Variants in ZSCAN10 observed in about 807,000 individuals in gnomAD.
ZSCAN10 encodes zinc finger and SCAN domain-containing protein 10.
In ZSCAN10, 52 loss-of-function variants were observed where a neutral mutation model predicts 63.7. The observed-to-expected ratio is 0.82, with a 90% CI of 0.65 to 1.03. The LOEUF (loss-of-function observed/expected upper bound fraction) is 1.03. ZSCAN10 is among the 50% of genes least tolerant of loss of function. The pLI is 0.00. For synonymous variants in ZSCAN10, 544 were observed against 479.6 expected (o/e 1.13, Z -1.76); for missense variants, 1,223 against 1,103.8 (o/e 1.11, Z -1.53).
intron 1 of ZSCAN10, 147 bp from the exon 2 acceptor site, chr16:3,093,151 C>G: frequency 2.0e-6 from 1 of 503,390 alleles, no homozygotes; most frequent in Non-Finnish European, 3.1e-6. Flanking sequence ...AGGACAGCCC[C>G]CGGTCTCAGG....
At chr16:3,091,428 G>C (rs1957072927) in intron 5 of ZSCAN10, 112 bp downstream of exon 5, 2 of 1,206,984 alleles carry the variant, frequency 1.7e-6, no homozygotes, top group Admixed American at 1.8e-5. Context: ...AGGATCACTT[G>C]AGCCCAGGAG....
rs1957043592 is a variant in ZSCAN10, at chr16:3,089,873, G to A, written c.1561C>T (p.Pro521Ser). Residue 521 changes from proline (P) to serine (S), a missense_variant, in exon 6 of 6, where the codon CCC becomes TCC. By Grantham distance (74) the Pro-to-Ser change is moderately conservative (BLOSUM62 -1). Coordinates refer to ENST00000576985, the MANE Select transcript of ZSCAN10 (RefSeq NM_032805.3). ...TTGCCGCAGTCGCTGCACACGAAGG[G>A]CCTCCGGTCGGAGTCCCGGCGGCGG... ...GSRRRDSDRRPFVCSDCGKAF... is the reference protein window; with the variant it reads ...GSRRRDSDRRSFVCSDCGKAF... The A allele has an allele frequency of 6.5e-7, 1 of 1,537,446 alleles. No homozygotes were observed. The highest frequency in any genetic ancestry group is 2.4e-5 in the East Asian group (1 of 40,998).
rs776048732 is a variant in ZSCAN10 at position 3,089,314 on chromosome 16, C to T, written c.2120G>A (p.Arg707Gln). The change falls in exon 6 of 6, where the codon CGG (arginine) becomes CAG (glutamine). Residue 707 changes from arginine to glutamine, a missense_variant. Transcript: ENST00000576985. ...GGGCTCCGCATGGGTAGCCAGGTGC[C>T]GCCGCAGATGCGCGTTGCGCCGGAA... ...RSFRRNAHLR[R>Q]HLATHAEPGQ... 2 of 1,573,828 alleles carry T rather than the reference C, an allele frequency of 1.3e-6. No individual in the cohort carries two copies. The highest frequency in any genetic ancestry group is 1.7e-6 in the Non-Finnish European group (2 of 1,166,490).
chr16:3,090,604 T>G lies in ZSCAN10; in HGVS notation c.830A>C (p.Glu277Ala), dbSNP rs1483111694. The G allele has an allele frequency of 1.9e-6, 3 of 1,555,758 alleles. No individual in the cohort carries two copies. In the East Asian group the frequency reaches 6.8e-5, roughly 35 times the overall value. Reference sequence around the variant, plus strand: ...GGGCCAGGCAGCCCCTTTGGGCTCTTCTTGTTTAAATTCCTCCTTGTCTGG... The same window carrying G: ...GGGCCAGGCAGCCCCTTTGGGCTCTGCTTGTTTAAATTCCTCCTTGTCTGG... ...RTPDKEEFKQ[E>A]EPKGAAWPTP... The change falls in exon 6 of 6, where the codon GAA becomes GCA. Residue 277 changes from glutamate to alanine, a missense_variant. Glu to Ala is a moderately radical substitution (Grantham distance 107). Transcript: ENST00000576985.
At position 3,089,893 on chromosome 16, in the gene ZSCAN10, C is replaced by T. The variant is rs772235686; in HGVS notation, c.1541G>A (p.Arg514His). Residue 514 changes from arginine (R) to histidine (H), a missense_variant, in exon 6 of 6, where the codon CGC becomes CAC. Transcript: ENST00000576985. The stretch of plus-strand genomic sequence containing the variant: ...GAAGGGCCTCCGGTCGGAGTCCCGG[C>T]GGCGGCTGCCGGAGCCTTCGGAGGA... Reference protein sequence around the residue: ...RRSSEGSGSRRRDSDRRPFVC... With the variant: ...RRSSEGSGSRHRDSDRRPFVC... 58 of 1,534,706 alleles carry T rather than the reference C, an allele frequency of 3.8e-5. No individual in the cohort carries two copies. Among genetic ancestry groups the T allele is most frequent in the Non-Finnish European group, 4.9e-5 (56 of 1,145,204 alleles).
In ZSCAN10 at chr16:3,090,022, G is replaced by A. The variant is rs755737402; in HGVS notation, c.1412C>T (p.Pro471Leu). ...GGAGCACAGGACATCGGTCAGTGGC[G>A]GCGCTTCGGCCTTACTCTCAGGAGC... The part of the protein sequence containing the change: ...PCAPESKAEA[P>L]PLTDVLCSHC... The change falls in exon 6 of 6, where the codon CCG becomes CTG. Residue 471 changes from proline to leucine, a missense_variant. Coordinates refer to ENST00000576985, the MANE Select transcript of ZSCAN10 (RefSeq NM_032805.3). The A allele has an allele frequency of 2.5e-6, 4 of 1,580,734 alleles. No homozygotes were observed. Among genetic ancestry groups the A allele is most frequent in the African/African-American group, 2.7e-5 (2 of 74,148 alleles).
At chr16:3,095,580 C>T (rs970031547) in intron 1 of ZSCAN10, among the ~76,000 whole-genome samples, 3 of 149,614 alleles carry the variant, frequency 2.0e-5, no homozygotes, top group Non-Finnish European at 4.4e-5. Context: ...GCCTGTAATC[C>T]CAGCACTTTG....
In ZSCAN10 at chr16:3,089,454, C is replaced by T. The variant is rs1477863919; in HGVS notation, c.1980G>A (p.Lys660=). The change falls in exon 6 of 6, where the codon AAG becomes AAA. Residue 660 remains lysine (K), a synonymous_variant. Transcript: ENST00000576985. ...ARHQRIHTGE[K]PHACDTCGHR... The stretch of plus-strand genomic sequence containing the variant: ...GGCCGCAGGTGTCGCAGGCGTGGGG[C>T]TTCTCCCCTGTGTGGATGCGCTGGT... 3 of 1,606,656 alleles carry T rather than the reference C, an allele frequency of 1.9e-6. No homozygotes were observed. The highest frequency in any genetic ancestry group is 1.7e-5 in the Admixed American group (1 of 59,676).
At position 3,091,555 on chromosome 16, in the gene ZSCAN10, G is replaced by A; in HGVS notation, c.772C>T (p.Pro258Ser). ...GGTTGCTTACCCAGGGGGTGTGCAG[G>A]CCACGCCTTATTCTCTGGCACATCC... ...FEDVPENKAW[P>S]AHPLGFGSRT... is the part of the protein sequence containing the mutation. The change falls in exon 5 of 6, where the codon CCT becomes TCT. Residue 258 changes from proline (P) to serine (S), a missense_variant. Coordinates refer to ENST00000576985, the MANE Select transcript of ZSCAN10 (RefSeq NM_032805.3). 1 of 1,614,194 alleles carries A rather than the reference G, an allele frequency of 6.2e-7. No homozygotes were observed. The highest frequency in any genetic ancestry group is 1.3e-5 in the African/African-American group (1 of 75,038).
intron 2 of ZSCAN10, 61 bp downstream of exon 2, chr16:3,092,481 A>C: frequency 2.1e-6 from 3 of 1,455,466 alleles, no homozygotes; most frequent in Non-Finnish European, 2.7e-6. Context: ...GAGATTCCTC[A>C]CTGGGGGGAT....
chr16:3,091,606 A>G lies in ZSCAN10; in HGVS notation c.730-9T>C. On this transcript the variant is annotated splice_polypyrimidine_tract_variant and intron_variant, in intron 4 of 5. Transcript: ENST00000576985. ...TCAAAGGTCAGGCACTCCTGTATCA[A>G]GAGCAGAAACCCTTGGTGAGTGAGG... is the stretch of plus-strand genomic sequence containing the variant. The G allele has an allele frequency of 6.2e-7, 1 of 1,614,210 alleles. No homozygotes were observed. Among genetic ancestry groups the G allele is most frequent in the East Asian group, 2.2e-5 (1 of 44,884 alleles).
chr16:3,091,458 C>T, intron 5 of ZSCAN10, 82 bp downstream of exon 5: 1 of 1,491,716 alleles, frequency 6.7e-7, no homozygotes, highest in East Asian at 2.3e-5. Context: ...GCCTGGGCAA[C>T]ATAGCGAGAT....
rs778806478 is a variant in ZSCAN10 at position 3,092,634 on chromosome 16, C to T, written c.304G>A (p.Gly102Ser). 58 of 1,609,834 alleles carry T rather than the reference C, an allele frequency of 3.6e-5. No individual in the cohort carries two copies. Among genetic ancestry groups the T allele is most frequent in the South Asian group, 1.8e-4 (16 of 90,694 alleles). ...FLSVLPPHLLGRLQGQPLRDG... is the reference protein window; with the variant it reads ...FLSVLPPHLLSRLQGQPLRDG... ...CTGAGCGGCTGCCCCTGCAGGCGGC[C>T]CAGGAGGTGCGGAGGCAGCACACTC... Residue 102 changes from glycine (G) to serine (S), a missense_variant, in exon 2 of 6, where the codon GGC (glycine) becomes AGC (serine). Physicochemically the swap from Gly to Ser is moderately conservative, Grantham distance 56. Coordinates refer to ENST00000576985, the MANE Select transcript of ZSCAN10 (RefSeq NM_032805.3).
chr16:3,093,581 G>A (rs1163921685), intron 1 of ZSCAN10, among the ~76,000 whole-genome samples: 1 of 150,696 alleles, frequency 6.6e-6, no homozygotes, highest in Non-Finnish European at 1.5e-5. Context: ...CCCTGAAAGA[G>A]AAACACCCTG....
At position 3,089,088 on chromosome 16, in the gene ZSCAN10, A is replaced by G; in HGVS notation, c.*3T>C. The stretch of plus-strand genomic sequence containing the variant: ...GGGCGCGGCTGGCGGAAGGCGGGCC[A>G]AGCTAGTACAGCGTCTCGCGGGCGT... On this transcript the variant is annotated 3_prime_UTR_variant, in exon 6 of 6. Coordinates refer to ENST00000576985, the MANE Select transcript of ZSCAN10 (RefSeq NM_032805.3). 1 of 1,480,420 alleles carries G rather than the reference A, an allele frequency of 6.8e-7. No homozygotes were observed. Among genetic ancestry groups the G allele is most frequent in the Non-Finnish European group, 8.9e-7 (1 of 1,127,174 alleles). The allele number at this position is 1,480,420 out of a possible 1,614,324, so 91.7% of individuals were successfully genotyped here.
At chr16:3,095,191 G>A (rs1957137839) in intron 1 of ZSCAN10, among the ~76,000 whole-genome samples, 1 of 150,262 alleles carries the variant, frequency 6.7e-6, no homozygotes, top group Non-Finnish European at 1.5e-5. Flanking sequence ...ACCAGCCCTG[G>A]GCAACATGGC....
At position 3,091,603 on chromosome 16, in the gene ZSCAN10, T is replaced by C; in HGVS notation, c.730-6A>G. ...TCCTCAAAGGTCAGGCACTCCTGTA[T>C]CAAGAGCAGAAACCCTTGGTGAGTG... On this transcript the variant is annotated splice_region_variant and splice_polypyrimidine_tract_variant and intron_variant, in intron 4 of 5. Transcript: ENST00000576985. The C allele has an allele frequency of 6.2e-7, 1 of 1,614,206 alleles. No homozygotes were observed. The highest frequency in any genetic ancestry group is 8.5e-7 in the Non-Finnish European group (1 of 1,180,030).
chr16:3,096,420 G>T (rs746780629), intron 1 of ZSCAN10: 1 of 152,564 alleles, frequency 6.6e-6, no homozygotes, highest in Non-Finnish European at 1.5e-5. Flanking sequence ...GGGATGTGAA[G>T]AAAGCCTGAA....
intron 2 of ZSCAN10, 83 bp downstream of exon 2, chr16:3,092,459 G>A: frequency 6.8e-7 from 1 of 1,466,876 alleles, no homozygotes; most frequent in Non-Finnish European, 9.0e-7. Flanking sequence ...GTGGGGGAAA[G>A]TGAAGTTTCC....
Sources: allele counts gnomAD v4.1 joint callset (sites outside exome capture counted in the v4.1 genomes callset), GRCh38; gene constraint gnomAD v4.1.1; transcripts MANE v1.5; gene names NCBI Gene and HGNC (gene_info 2026-07-23, HGNC 2026-07-21).